The following SMCO4 variants were observed in gnomAD, a reference collection of about 807,000 sequenced individuals.
SMCO4 encodes the protein single-pass membrane protein with coiled-coil domains 4, also known as single-pass membrane and coiled-coil domain-containing protein 4.
Under a neutral mutation model 3.6 loss-of-function variants are expected in SMCO4, and 4 were observed. The ratio of observed to expected loss-of-function variants is 1.11; its 90% CI spans 0.54 to 2.53. The LOEUF (loss-of-function observed/expected upper bound fraction) is 2.53. Among genes scored for constraint, SMCO4 ranks in the 30% most tolerant of loss-of-function variants. The pLI is 0.02. For missense variants in SMCO4, 70 were observed against 80.8 expected (o/e 0.87, Z 0.51); for synonymous variants, 36 against 35.3 (o/e 1.02, Z -0.07).
At chr11:93,485,418 C>G (rs1308294577) in intron 2 of SMCO4, among the ~76,000 whole-genome samples, 1 of 152,256 alleles carries the variant, frequency 6.6e-6, no homozygotes, top group Non-Finnish European at 1.5e-5. Context: ...CTGGAATGCG[C>G]TTTTCCCTCA....
At chr11:93,536,375 T>C (rs1279396680) in intron 1 of SMCO4, among the ~76,000 whole-genome samples, 1 of 152,212 alleles carries the variant, frequency 6.6e-6, no homozygotes, top group Non-Finnish European at 1.5e-5. Context: ...ATAGCAAAAC[T>C]AATGAGTTAG....
In SMCO4 at chr11:93,515,432, A is replaced by G. The variant is rs570220971; in HGVS notation, c.-153-16084T>C. ...CTGTAACTGTGAGGTAATTACTTGT[A>G]TATCACTGTATACATGAGGAAAAAA... On this transcript the variant is annotated intron_variant, in intron 1 of 2. Transcript: ENST00000298966. Among the ~76,000 whole-genome samples, 11 of 152,322 alleles carry G rather than the reference A, an allele frequency of 7.2e-5. No homozygotes were observed. The South Asian group carries it at 2.3e-3, about 32-fold the overall frequency.
upstream of SMCO4, among the ~76,000 whole-genome samples, chr11:93,544,258 T>A (rs1005369081): frequency 2.0e-5 from 3 of 152,230 alleles, no homozygotes; most frequent in African/African-American, 7.2e-5. Flanking sequence ...TAGTTATTGT[T>A]GTATTACTAC....
chr11:93,480,947 T>C (rs957385963), intron 2 of SMCO4, among the ~76,000 whole-genome samples: 5 of 152,130 alleles, frequency 3.3e-5, no homozygotes, highest in African/African-American at 4.8e-5. Flanking sequence ...GATGGCATAA[T>C]GCCAATCAAA....
At chr11:93,524,481 T>G (rs1949087480) in intron 1 of SMCO4, among the ~76,000 whole-genome samples, 1 of 152,068 alleles carries the variant, frequency 6.6e-6, no homozygotes, top group Non-Finnish European at 1.5e-5. Flanking sequence ...TGACTTCCCT[T>G]AAGAATCCCC....
intron 1 of SMCO4, chr11:93,535,835 C>T: frequency 6.2e-7 from 1 of 1,608,128 alleles, no homozygotes; most frequent in South Asian, 1.1e-5. Context: ...ACATACATTT[C>T]CTGCTTTCAC....
chr11:93,505,139 C>T (rs1189094014), intron 1 of SMCO4, among the ~76,000 whole-genome samples: 3 of 152,218 alleles, frequency 2.0e-5, no homozygotes, highest in Non-Finnish European at 4.4e-5. Flanking sequence ...CTTTACTGAT[C>T]TTCAGCAGTC....
chr11:93,522,106 AAAC>A (rs150018083), intron 1 of SMCO4, among the ~76,000 whole-genome samples: 118,500 of 151,838 alleles, frequency 0.78, 46,623 homozygotes, highest in African/African-American at 0.84. Context: ...AACAAAACAA[AAAC>A]AAAATGTCAG....
intron 1 of SMCO4, among the ~76,000 whole-genome samples, chr11:93,527,201 A>G (rs1382532294): frequency 1.3e-5 from 2 of 152,200 alleles, no homozygotes; most frequent in Non-Finnish European, 2.9e-5. Flanking sequence ...CTACTGTCAA[A>G]TGGTGGGCAG....
At chr11:93,508,426 G>A (rs904324506) in intron 1 of SMCO4, among the ~76,000 whole-genome samples, 7 of 152,160 alleles carry the variant, frequency 4.6e-5, no homozygotes, top group Admixed American at 2.6e-4. Flanking sequence ...ACTGTAGGGC[G>A]TTGAAGGTCC....
chr11:93,523,652 C>T (rs1949080428), intron 1 of SMCO4, among the ~76,000 whole-genome samples: 2 of 152,162 alleles, frequency 1.3e-5, no homozygotes, highest in Admixed American at 1.3e-4. Flanking sequence ...GAGCAAGACC[C>T]CGCAAGAAAT....
At chr11:93,553,537 T>G in the SMCO4 span, among the ~76,000 whole-genome samples, 3 of 152,224 alleles carry the variant, frequency 2.0e-5, no homozygotes, top group African/African-American at 7.2e-5. Flanking sequence ...AATCAGATAT[T>G]TTCATATCAT....
chr11:93,500,452 G>C (rs1335526154), intron 1 of SMCO4, among the ~76,000 whole-genome samples: 3 of 152,128 alleles, frequency 2.0e-5, no homozygotes, highest in Non-Finnish European at 4.4e-5. Flanking sequence ...ATTAGTTCCT[G>C]AGTTGGGCAA....
chr11:93,552,865 C>T, the SMCO4 span, among the ~76,000 whole-genome samples: 31 of 151,990 alleles, frequency 2.0e-4, no homozygotes, highest in African/African-American at 7.5e-4. Flanking sequence ...GCCTCAAATT[C>T]CTTTTAGGAA....
At chr11:93,482,620 C>T (rs1469815554) in intron 2 of SMCO4, among the ~76,000 whole-genome samples, 1 of 152,148 alleles carries the variant, frequency 6.6e-6, no homozygotes, top group Non-Finnish European at 1.5e-5. Flanking sequence ...AACGTGCTGT[C>T]GTGGGGACCA....
intron 1 of SMCO4, among the ~76,000 whole-genome samples, chr11:93,505,833 A>G (rs1481166887): frequency 6.6e-6 from 1 of 151,062 alleles, no homozygotes; most frequent in Non-Finnish European, 1.5e-5. Flanking sequence ...TTGTTAAAAA[A>G]GAAAAATGTA....
chr11:93,538,523 A>C (rs1163518142), intron 1 of SMCO4, among the ~76,000 whole-genome samples: 1 of 152,192 alleles, frequency 6.6e-6, no homozygotes. Flanking sequence ...ATGCTCCTGG[A>C]AAGTTAGGAA....
intron 1 of SMCO4, among the ~76,000 whole-genome samples, chr11:93,530,328 T>G (rs901193024): frequency 6.6e-6 from 1 of 152,156 alleles, no homozygotes; most frequent in Non-Finnish European, 1.5e-5. Flanking sequence ...CTTGTCTGTT[T>G]GCTCTCTCTT....
At chr11:93,502,440 A>G (rs1479474229) in intron 1 of SMCO4, among the ~76,000 whole-genome samples, 1 of 152,148 alleles carries the variant, frequency 6.6e-6, no homozygotes, top group East Asian at 1.9e-4. Flanking sequence ...GTTTTCTTGC[A>G]TGGTCAGAAT....
Sources: gnomAD v4.1 joint callset for allele counts (sites outside exome capture counted in the v4.1 genomes callset) on GRCh38, gnomAD v4.1.1 for gene constraint, MANE v1.5 for transcripts, NCBI Gene and HGNC (gene_info 2026-07-23, HGNC 2026-07-21) for gene names.